The following GALNTL6 variants were observed in gnomAD, a reference collection of about 807,000 sequenced individuals.
GALNTL6 encodes polypeptide N-acetylgalactosaminyltransferase-like 6.
GALNTL6 carries 46 observed loss-of-function variants against 73.7 expected under a neutral mutation model. That is an observed-to-expected ratio of 0.62 (90% CI 0.49 to 0.80). The LOEUF (loss-of-function observed/expected upper bound fraction) is 0.80, where lower values mean the gene tolerates loss of function less well. Among genes scored for constraint, GALNTL6 ranks in the 30% least tolerant of loss-of-function variants. The probability of loss-of-function intolerance (pLI) is 0.00; values close to 1 mark genes in which losing one functional copy is unlikely to be tolerated. For synonymous variants in GALNTL6, 259 were observed against 263.7 expected (o/e 0.98, Z 0.17); for missense variants, 604 against 755.0 (o/e 0.80, Z 2.34).
chr4:172,762,764 T>C (rs1579449016), intron 5 of GALNTL6, among the ~76,000 whole-genome samples: 1 of 126,128 alleles, frequency 7.9e-6, no homozygotes, highest in South Asian at 2.8e-4. Flanking sequence ...CTTCAAATTA[T>C]CCAAACAGCA....
chr4:172,177,125 G>A lies in GALNTL6; in HGVS notation c.139-52531G>A, dbSNP rs557331499. On this transcript the variant is annotated intron_variant, in intron 2 of 12. Coordinates refer to ENST00000506823, the MANE Select transcript of GALNTL6 (RefSeq NM_001034845.3). ...TAAGGCAACAAGAAGGAAGTAGTCA[G>A]CATATAGGAGGAGAATTAGTAAAAA... Among the ~76,000 whole-genome samples the A allele has an allele frequency of 3.3e-5, 5 of 152,280 alleles. No homozygotes were observed. In the East Asian group the frequency reaches 9.7e-4, roughly 29 times the overall value.
At chr4:172,647,985 T>C in intron 5 of GALNTL6, among the ~76,000 whole-genome samples, 1 of 152,184 alleles carries the variant, frequency 6.6e-6, no homozygotes, top group East Asian at 1.9e-4. Context: ...AGTTTGTTGC[T>C]GGCTATGCGA....
At chr4:171,956,013 T>TGGG (rs55819916) in intron 2 of GALNTL6, among the ~76,000 whole-genome samples, 1 of 151,206 alleles carries the variant, frequency 6.6e-6, no homozygotes. Context: ...TGTGTGTGTG[T>TGGG]GGGACAGGGC....
At chr4:172,447,783 T>G (rs1732077631) in intron 5 of GALNTL6, among the ~76,000 whole-genome samples, 1 of 152,112 alleles carries the variant, frequency 6.6e-6, no homozygotes, top group Non-Finnish European at 1.5e-5. Context: ...AGCCTACACT[T>G]CATGTAAAGT....
At chr4:171,990,160 C>G (rs1740293129) in intron 2 of GALNTL6, among the ~76,000 whole-genome samples, 1 of 152,180 alleles carries the variant, frequency 6.6e-6, no homozygotes, top group Non-Finnish European at 1.5e-5. Flanking sequence ...AATTTAACCT[C>G]TTACCCAGAC....
chr4:172,280,899 G>A (rs1198546509), intron 3 of GALNTL6, among the ~76,000 whole-genome samples: 1 of 151,904 alleles, frequency 6.6e-6, no homozygotes, highest in Non-Finnish European at 1.5e-5. Flanking sequence ...GGTGGCTCAC[G>A]CCTGTAATCC....
chr4:172,636,189 G>C (rs1739670742), intron 5 of GALNTL6, among the ~76,000 whole-genome samples: 2 of 152,102 alleles, frequency 1.3e-5, no homozygotes, highest in African/African-American at 4.8e-5. Context: ...CCTATTGTTG[G>C]AAGTTACTAA....
intron 5 of GALNTL6, among the ~76,000 whole-genome samples, chr4:172,353,010 G>C (rs1325274274): frequency 6.6e-6 from 1 of 152,094 alleles, no homozygotes; most frequent in African/African-American, 2.4e-5. Context: ...GCATGGACCA[G>C]CAGCAGCAGC....
At chr4:172,716,557 C>T (rs1735111420) in intron 5 of GALNTL6, among the ~76,000 whole-genome samples, 1 of 152,144 alleles carries the variant, frequency 6.6e-6, no homozygotes, top group African/African-American at 2.4e-5. Context: ...TCCCATAACG[C>T]GGCCCATGAT....
intron 5 of GALNTL6, among the ~76,000 whole-genome samples, chr4:172,681,306 A>G (rs748817876): frequency 6.6e-5 from 10 of 152,154 alleles, no homozygotes; most frequent in Non-Finnish European, 1.2e-4. Context: ...ATCACATTTT[A>G]TTGATTTAAT....
chr4:172,931,259 C>G lies in GALNTL6; in HGVS notation c.1140C>G (p.Ser380Arg), dbSNP rs1304038031. 1 of 1,590,582 alleles carries G rather than the reference C, an allele frequency of 6.3e-7. No homozygotes were observed. Among genetic ancestry groups the G allele is most frequent in the East Asian group, 2.2e-5 (1 of 44,776 alleles). ...YVPYKVPSGT[S>R]LARNLKRVAE... Reference sequence around the variant, plus strand: ...CATACAAAGTTCCATCTGGGACAAGCCTGGCAAGAGTGAGTAACTCAGCAT... The same window carrying G: ...CATACAAAGTTCCATCTGGGACAAGGCTGGCAAGAGTGAGTAACTCAGCAT... Residue 380 changes from serine (S) to arginine (R), a missense_variant, in exon 9 of 13, where the codon AGC becomes AGG. Transcript: ENST00000506823.
chr4:172,669,107 A>G (rs1731831315), intron 5 of GALNTL6: 2 of 152,160 alleles, frequency 1.3e-5, no homozygotes, highest in South Asian at 4.1e-4. Context: ...GGGGTGTTGG[A>G]TTATCTGTTA....
chr4:171,820,108 T>A (rs1400734500), intron 2 of GALNTL6, among the ~76,000 whole-genome samples: 1 of 152,140 alleles, frequency 6.6e-6, no homozygotes, highest in South Asian at 2.1e-4. Context: ...ACCTGTGTGC[T>A]ATGGAAATAT....
intron 5 of GALNTL6, among the ~76,000 whole-genome samples, chr4:172,518,631 C>A (rs1440743445): frequency 1.3e-5 from 2 of 151,788 alleles, no homozygotes; most frequent in African/African-American, 4.8e-5. Flanking sequence ...GAGATTTAGC[C>A]ATAAAAATCA....
At chr4:173,005,916 A>G (rs1274707550) in intron 10 of GALNTL6, among the ~76,000 whole-genome samples, 1 of 152,218 alleles carries the variant, frequency 6.6e-6, no homozygotes, top group East Asian at 1.9e-4. Context: ...TAGAAAATTC[A>G]AGAGTCTAGA....
chr4:172,872,691 A>C (rs1745006753), intron 7 of GALNTL6, among the ~76,000 whole-genome samples: 1 of 152,232 alleles, frequency 6.6e-6, no homozygotes, highest in Admixed American at 6.5e-5. Context: ...TTAAGAGTCA[A>C]ACCAGAAAAG....
intron 5 of GALNTL6, among the ~76,000 whole-genome samples, chr4:172,379,468 T>G (rs1743180316): frequency 7.2e-6 from 1 of 138,148 alleles, no homozygotes; most frequent in Non-Finnish European, 1.5e-5. Flanking sequence ...AAGCGGAGCT[T>G]GCAGTGAGCC....
At chr4:172,759,172 AC>A (rs1289869279) in intron 5 of GALNTL6, among the ~76,000 whole-genome samples, 3 of 152,202 alleles carry the variant, frequency 2.0e-5, no homozygotes, top group Non-Finnish European at 4.4e-5. Flanking sequence ...CCCTGAACTC[AC>A]CCACTTACCA....
chr4:172,683,535 A>AT (rs1477097782), intron 5 of GALNTL6, among the ~76,000 whole-genome samples: 2 of 152,158 alleles, frequency 1.3e-5, no homozygotes, highest in African/African-American at 4.8e-5. Flanking sequence ...ACTTGTATTT[A>AT]TTTTTGCCAG....
Sources: gnomAD v4.1 joint callset for allele counts (sites outside exome capture counted in the v4.1 genomes callset) on GRCh38, gnomAD v4.1.1 for gene constraint, MANE v1.5 for transcripts, NCBI Gene and HGNC (gene_info 2026-07-23, HGNC 2026-07-21) for gene names.